MACROD2: variants seen among roughly 807,000 people sequenced by gnomAD.
The protein encoded by MACROD2 is mono-ADP ribosylhydrolase 2.
In MACROD2, 36 loss-of-function variants were observed where a neutral mutation model predicts 70.4. The ratio of observed to expected loss-of-function variants is 0.51; its 90% CI spans 0.39 to 0.68. MACROD2 has a LOEUF of 0.68. Ranked by LOEUF, MACROD2 falls within the 30% of genes least tolerant of loss-of-function variation. The pLI, the probability that MACROD2 is intolerant of heterozygous loss-of-function variation, is 0.00. For synonymous variants in MACROD2, 172 were observed against 178.8 expected (o/e 0.96, Z 0.30); for missense variants, 496 against 538.4 (o/e 0.92, Z 0.78).
chr20:14,222,550 T>C (rs901885331), intron 3 of MACROD2, among the ~76,000 whole-genome samples: 103 of 152,218 alleles, frequency 6.8e-4, no homozygotes, highest in African/African-American at 2.3e-3. Flanking sequence ...ATTTGGGTGA[T>C]GGATACCCTA....
intron 3 of MACROD2, among the ~76,000 whole-genome samples, chr20:14,154,570 T>C (rs1378199178): frequency 2.2e-5 from 3 of 135,980 alleles, no homozygotes; most frequent in African/African-American, 5.5e-5. Context: ...TTTTTTTTTT[T>C]TTTTTTTTTT....
chr20:15,856,474 G>A (rs569933005), intron 8 of MACROD2, among the ~76,000 whole-genome samples: 15 of 152,092 alleles, frequency 9.9e-5, no homozygotes, highest in Non-Finnish European at 1.9e-4. Context: ...AGCTCTTCTG[G>A]CAAACTTAAA....
intron 4 of MACROD2, among the ~76,000 whole-genome samples, chr20:14,667,877 G>C (rs2070753318): frequency 2.0e-5 from 3 of 152,120 alleles, no homozygotes; most frequent in African/African-American, 7.2e-5. Flanking sequence ...TCTCAGAGCT[G>C]GGGGGTGGTG....
intron 5 of MACROD2, among the ~76,000 whole-genome samples, chr20:14,706,656 A>G (rs1209051163): frequency 6.6e-6 from 1 of 152,118 alleles, no homozygotes; most frequent in Non-Finnish European, 1.5e-5. Flanking sequence ...TCAAACTGCA[A>G]CCAGCCCGGC....
chr20:14,430,562 AAC>A (rs71190138), intron 3 of MACROD2, among the ~76,000 whole-genome samples: 23,524 of 152,118 alleles, frequency 0.15, 2,575 homozygotes, highest in Non-Finnish European at 0.22. Context: ...CAAAACAGAA[AAC>A]ACAGAGGACG....
At chr20:14,778,386 T>G (rs1357077196) in intron 5 of MACROD2, among the ~76,000 whole-genome samples, 1 of 152,092 alleles carries the variant, frequency 6.6e-6, no homozygotes, top group African/African-American at 2.4e-5. Flanking sequence ...ACTCCGTGCC[T>G]TTGTTGTCCC....
intron 6 of MACROD2, among the ~76,000 whole-genome samples, chr20:15,275,643 C>T (rs1600183212): frequency 6.6e-6 from 1 of 152,174 alleles, no homozygotes; most frequent in Non-Finnish European, 1.5e-5. Flanking sequence ...GGAATGCAAG[C>T]ACAGACTTTC....
chr20:15,822,559 T>C (rs1400873081), intron 8 of MACROD2, among the ~76,000 whole-genome samples: 1 of 152,144 alleles, frequency 6.6e-6, no homozygotes, highest in Non-Finnish European at 1.5e-5. Context: ...TGGTTACAAG[T>C]AACAAATGTA....
chr20:14,300,693 C>T (rs1157615915), intron 3 of MACROD2, among the ~76,000 whole-genome samples: 1 of 152,192 alleles, frequency 6.6e-6, no homozygotes, highest in Non-Finnish European at 1.5e-5. Flanking sequence ...TAAGACTCAG[C>T]TGGGCCAGGC....
At chr20:15,692,624 G>A (rs1003748818) in intron 8 of MACROD2, among the ~76,000 whole-genome samples, 4 of 152,152 alleles carry the variant, frequency 2.6e-5, no homozygotes, top group Non-Finnish European at 5.9e-5. Flanking sequence ...GGTGAGGGCA[G>A]GGGTAGGGTG....
intron 8 of MACROD2, among the ~76,000 whole-genome samples, chr20:15,519,108 TTCCTTCCTTC>T (rs2047612413): frequency 1.3e-5 from 2 of 148,604 alleles, no homozygotes; most frequent in African/African-American, 5.0e-5. Context: ...CCTTCCTTCC[TTCCTTCCTTC>T]CTTTCTTTCT....
At chr20:16,019,648 A>G (rs6080098) in intron 15 of MACROD2, among the ~76,000 whole-genome samples, 18,594 of 152,196 alleles carry the variant, frequency 0.12, 1,381 homozygotes, top group Middle Eastern at 0.19. Context: ...AGTAACCACA[A>G]TGTGGTTCCT....
At chr20:15,666,247 A>G (rs1012689675) in intron 8 of MACROD2, among the ~76,000 whole-genome samples, 2 of 152,208 alleles carry the variant, frequency 1.3e-5, no homozygotes, top group African/African-American at 4.8e-5. Flanking sequence ...TTATTTAAAG[A>G]AAAACATCTC....
At chr20:15,337,189 A>G (rs2078057880) in intron 6 of MACROD2, among the ~76,000 whole-genome samples, 1 of 151,792 alleles carries the variant, frequency 6.6e-6, no homozygotes, top group Non-Finnish European at 1.5e-5. Flanking sequence ...AGTATTCTCA[A>G]AAATCAAATC....
intron 11 of MACROD2, among the ~76,000 whole-genome samples, chr20:15,934,984 C>G (rs570549079): frequency 1.4e-5 from 2 of 144,292 alleles, no homozygotes; most frequent in South Asian, 4.8e-4. Context: ...CCACCACACC[C>G]AGGCCCAAAG....
At chr20:14,945,884 A>G (rs1301185403) in intron 5 of MACROD2, among the ~76,000 whole-genome samples, 1 of 152,162 alleles carries the variant, frequency 6.6e-6, no homozygotes. Context: ...ATTATTGTTG[A>G]TGAAATTTAT....
intron 7 of MACROD2, among the ~76,000 whole-genome samples, chr20:15,478,237 G>T (rs2047048474): frequency 6.6e-6 from 1 of 152,180 alleles, no homozygotes; most frequent in South Asian, 2.1e-4. Flanking sequence ...GTGCCAGTGA[G>T]GTTCGAGGAG....
At chr20:14,600,267 C>G (rs1332398392) in intron 4 of MACROD2, among the ~76,000 whole-genome samples, 1 of 150,102 alleles carries the variant, frequency 6.7e-6, no homozygotes, top group Non-Finnish European at 1.5e-5. Flanking sequence ...TATCCATCTC[C>G]TAAATTCCAG....
chr20:14,303,086 G>A (rs981881291), intron 3 of MACROD2, among the ~76,000 whole-genome samples: 1 of 152,192 alleles, frequency 6.6e-6, no homozygotes, highest in African/African-American at 2.4e-5. Context: ...GAGAGGTGGA[G>A]CCACTTACTA....
Sources: gnomAD v4.1 joint callset for allele counts (sites outside exome capture counted in the v4.1 genomes callset) on GRCh38, gnomAD v4.1.1 for gene constraint, MANE v1.5 for transcripts, NCBI Gene and HGNC (gene_info 2026-07-23, HGNC 2026-07-21) for gene names.